Variants in SPATA13 observed in about 807,000 individuals in gnomAD.
The protein encoded by SPATA13 is spermatogenesis associated 13.
In SPATA13, 50 loss-of-function variants were observed where a neutral mutation model predicts 104.0. The ratio of observed to expected loss-of-function variants is 0.48; its 90% confidence interval spans 0.38 to 0.61. The LOEUF is 0.61. Among genes scored for constraint, SPATA13 ranks in the 20% least tolerant of loss-of-function variants. The pLI, the probability that SPATA13 is intolerant of heterozygous loss-of-function variation, is 0.00. For synonymous variants in SPATA13, 606 were observed against 667.5 expected (o/e 0.91, Z 1.42); for missense variants, 1,524 against 1,690.6 (o/e 0.90, Z 1.73).
chr13:24,249,784 G>A lies in SPATA13; in HGVS notation c.1961G>A (p.Gly654Asp). ...ARRRRPISVI[G>D]GVSLYGTNQT... ...AGAAGGCGCCCCATTTCCGTGATAGGTGGGGTCAGCTTGTATGGGACCAAC... is the reference window on the plus strand; with the variant it reads ...AGAAGGCGCCCCATTTCCGTGATAGATGGGGTCAGCTTGTATGGGACCAAC... The change falls in exon 3 of 13, where the codon GGT becomes GAT. Residue 654 changes from glycine to aspartate, a missense_variant. Around this residue, in one of 2 missense-constraint regions of SPATA13, gnomAD observed 1,089 missense variants for 1,135.9 expected, o/e 0.96. Transcript: ENST00000382108. 1 of 1,613,896 alleles carries A rather than the reference G, an allele frequency of 6.2e-7. No homozygotes were observed. Among genetic ancestry groups the A allele is most frequent in the Non-Finnish European group, 8.5e-7 (1 of 1,180,006 alleles).
intron 2 of SPATA13, among the ~76,000 whole-genome samples, chr13:24,000,016 A>G (rs1193021445): frequency 6.6e-6 from 1 of 152,242 alleles, no homozygotes; most frequent in African/African-American, 2.4e-5. Context: ...AAACATGAAA[A>G]ATAGTGCTTG....
At chr13:24,132,362 C>A (rs1453395805) in intron 3 of SPATA13, among the ~76,000 whole-genome samples, 1 of 152,164 alleles carries the variant, frequency 6.6e-6, no homozygotes. Flanking sequence ...CCATCTGGAC[C>A]AAGTCCTAAT....
At chr13:24,059,303 G>A (rs1878696429) in intron 3 of SPATA13, among the ~76,000 whole-genome samples, 1 of 151,300 alleles carries the variant, frequency 6.6e-6, no homozygotes, top group Non-Finnish European at 1.5e-5. Context: ...TCACCACCCA[G>A]CACAACTCTT....
intron 3 of SPATA13, among the ~76,000 whole-genome samples, chr13:24,148,102 C>T (rs1283005820): frequency 1.3e-5 from 2 of 152,118 alleles, no homozygotes; most frequent in African/African-American, 4.8e-5. Flanking sequence ...AGTTCTTTTC[C>T]GCATACACCC....
chr13:24,305,265 CAG>C lies in SPATA13; in HGVS notation c.*2496_*2497del, dbSNP rs1877501504. The C allele has an allele frequency of 6.6e-6, 1 of 152,078 alleles. No homozygotes were observed. Among genetic ancestry groups the C allele is most frequent in the South Asian group, 2.1e-4 (1 of 4,794 alleles). The allele number at this position is 152,078 out of a possible 1,614,324, so 9.4% of individuals were successfully genotyped here. A position where few individuals can be genotyped will look rare whatever the true frequency, so the allele number is the denominator to read the frequency against. On this transcript the variant is annotated 3_prime_UTR_variant, in exon 13 of 13. Coordinates refer to ENST00000382108, the MANE Select transcript of SPATA13 (RefSeq NM_001166271.3). ...CCACCTACCTCCACGGACTTCCTAA[CAG>C]AGACTTATGAATACCAGGATGTGTT...
At chr13:24,169,237 G>A (rs1882866525) in intron 1 of SPATA13, among the ~76,000 whole-genome samples, 1 of 152,134 alleles carries the variant, frequency 6.6e-6, no homozygotes, top group Admixed American at 6.5e-5. Context: ...GCCTGTGGTT[G>A]GAATGTGATG....
chr13:24,021,351 C>A (rs1876964862), intron 3 of SPATA13, among the ~76,000 whole-genome samples: 1 of 152,142 alleles, frequency 6.6e-6, no homozygotes, highest in Non-Finnish European at 1.5e-5. Flanking sequence ...AGGCATAGGG[C>A]AGACAGTGAG....
At chr13:24,190,499 G>A (rs1869664233) in intron 1 of SPATA13, among the ~76,000 whole-genome samples, 1 of 150,098 alleles carries the variant, frequency 6.7e-6, no homozygotes, top group Admixed American at 6.8e-5. Context: ...AAGAACAGGA[G>A]GAGGTAAAAA....
intron 3 of SPATA13, among the ~76,000 whole-genome samples, chr13:24,112,062 T>G (rs1315377560): frequency 6.6e-6 from 1 of 152,170 alleles, no homozygotes; most frequent in Non-Finnish European, 1.5e-5. Flanking sequence ...AAAGCAGCAT[T>G]TTTATACAGT....
chr13:24,207,350 A>G (rs1566150514), intron 1 of SPATA13, among the ~76,000 whole-genome samples: 1 of 152,368 alleles, frequency 6.6e-6, no homozygotes, highest in East Asian at 1.9e-4. Flanking sequence ...AAATCTGCAC[A>G]TCCCGCACAT....
chr13:24,235,481 C>T (rs996974746), intron 2 of SPATA13, among the ~76,000 whole-genome samples: 1 of 152,198 alleles, frequency 6.6e-6, no homozygotes, highest in Non-Finnish European at 1.5e-5. Context: ...ATTGGTCTGG[C>T]TGACGTGGTG....
rs1418962936 is a variant in SPATA13 at position 24,223,418 on chromosome 13, C to T, written c.489C>T (p.Pro163=). Residue 163 remains proline (P), a synonymous_variant, in exon 2 of 13, where the codon CCC becomes CCT. Transcript: ENST00000382108. ...GAGCCCAGGCAAGCAGGGGCTCCCCCTTAGCACCGGGACCAGCATGTGGTG... is the reference window on the plus strand; with the variant it reads ...GAGCCCAGGCAAGCAGGGGCTCCCCTTTAGCACCGGGACCAGCATGTGGTG... ...VPGAQASRGS[P]LAPGPACGAL... 1.9e-5 allele frequency: 30 copies of T among 1,551,198 alleles called. No homozygotes were observed. The Admixed American group carries it at 5.1e-4, about 26-fold the overall frequency.
At chr13:24,125,761 T>A (rs1881192433) in intron 3 of SPATA13, among the ~76,000 whole-genome samples, 2 of 152,044 alleles carry the variant, frequency 1.3e-5, no homozygotes, top group African/African-American at 4.8e-5. Flanking sequence ...AAAGTTGCGC[T>A]TTGAAGGAGC....
chr13:23,983,773 T>C, exon 2 of SPATA13: 1 of 436,274 alleles, frequency 2.3e-6, no homozygotes, highest in Non-Finnish European at 3.0e-6. Flanking sequence ...AGATGAAGCC[T>C]AGTTCCAGCT....
chr13:24,120,077 G>C (rs979308171), intron 3 of SPATA13, among the ~76,000 whole-genome samples: 3 of 152,108 alleles, frequency 2.0e-5, no homozygotes, highest in Non-Finnish European at 2.9e-5. Context: ...TGTCTTTGGG[G>C]CAGATGGATC....
At chr13:24,150,985 C>A (rs553709221) in intron 3 of SPATA13, among the ~76,000 whole-genome samples, 18 of 152,254 alleles carry the variant, frequency 1.2e-4, no homozygotes, top group Non-Finnish European at 2.4e-4. Context: ...ATTACAAAAC[C>A]CCCACTAAAG....
intron 3 of SPATA13, among the ~76,000 whole-genome samples, chr13:24,041,512 G>A (rs1021155180): frequency 3.3e-5 from 5 of 152,346 alleles, no homozygotes; most frequent in African/African-American, 1.2e-4. Flanking sequence ...CAAAATGTCA[G>A]TATCAGTTTT....
intron 3 of SPATA13, among the ~76,000 whole-genome samples, chr13:24,080,652 C>T (rs1416576353): frequency 7.2e-5 from 11 of 152,184 alleles, no homozygotes; most frequent in East Asian, 3.9e-4. Context: ...GAGATTTCAT[C>T]GGTGGCCTTG....
chr13:24,151,326 ATTTG>A (rs1419393654), intron 3 of SPATA13, among the ~76,000 whole-genome samples: 2 of 152,202 alleles, frequency 1.3e-5, no homozygotes, highest in Non-Finnish European at 2.9e-5. Context: ...ACCCGGAACC[ATTTG>A]TTTAACTCCT....
Sources: allele counts gnomAD v4.1 joint callset (sites outside exome capture counted in the v4.1 genomes callset), GRCh38; gene constraint gnomAD v4.1.1; regional missense constraint gnomAD v4.1.1; transcripts MANE v1.5; gene names NCBI Gene and HGNC (gene_info 2026-07-23, HGNC 2026-07-21).